PARM1: variants seen among roughly 807,000 people sequenced by gnomAD.
PARM1 encodes the protein prostate androgen-regulated mucin-like protein 1.
A neutral mutation model predicts 24.6 loss-of-function variants in PARM1; 14 were observed. The ratio of observed to expected loss-of-function variants is 0.57; its 90% CI spans 0.38 to 0.89. The LOEUF is 0.89. Among genes scored for constraint, PARM1 ranks in the 40% least tolerant of loss-of-function variants. The pLI is 0.00. For synonymous variants in PARM1, 179 were observed against 156.6 expected (o/e 1.14, Z -1.07); for missense variants, 362 against 380.4 (o/e 0.95, Z 0.40).
chr4:75,035,349 C>T (rs889843296), intron 3 of PARM1, among the ~76,000 whole-genome samples: 2 of 152,182 alleles, frequency 1.3e-5, no homozygotes, highest in East Asian at 3.9e-4. Context: ...TGCTAGGGAC[C>T]AAGACGGTGC....
intron 1 of PARM1, among the ~76,000 whole-genome samples, chr4:74,976,737 G>C (rs980155590): frequency 7.9e-5 from 12 of 152,222 alleles, no homozygotes; most frequent in African/African-American, 2.9e-4. Flanking sequence ...AGGGTTCCAA[G>C]AGGAAGGAGC....
chr4:74,979,156 AC>A (rs1360719541), intron 1 of PARM1, among the ~76,000 whole-genome samples: 2 of 151,834 alleles, frequency 1.3e-5, no homozygotes, highest in Admixed American at 1.3e-4. Flanking sequence ...ACAAAAAAAA[AC>A]CTTCGAAAAA....
chr4:75,025,669 T>G (rs1723169718), intron 2 of PARM1, among the ~76,000 whole-genome samples: 1 of 151,828 alleles, frequency 6.6e-6, no homozygotes, highest in African/African-American at 2.4e-5. Flanking sequence ...GAGAGAGAAA[T>G]GAAGGAAGAG....
chr4:74,936,459 T>TTG, intron 1 of PARM1, among the ~76,000 whole-genome samples: 2 of 149,160 alleles, frequency 1.3e-5, no homozygotes, highest in African/African-American at 4.9e-5. Context: ...GTTTGTTTTT[T>TTG]TGTTTTTTTT....
chr4:74,955,294 A>G (rs1280881889), intron 1 of PARM1, among the ~76,000 whole-genome samples: 1 of 152,068 alleles, frequency 6.6e-6, no homozygotes, highest in Non-Finnish European at 1.5e-5. Flanking sequence ...GATAAGCTTC[A>G]TACCTCCAGT....
intron 3 of PARM1, among the ~76,000 whole-genome samples, chr4:75,043,218 G>T (rs548071758): frequency 6.6e-6 from 1 of 152,138 alleles, no homozygotes; most frequent in South Asian, 2.1e-4. Context: ...AGTTTCAAGA[G>T]TTCCCAGTGG....
chr4:74,935,078 C>G (rs1263558691), intron 1 of PARM1, among the ~76,000 whole-genome samples: 2 of 150,914 alleles, frequency 1.3e-5, no homozygotes, highest in Non-Finnish European at 2.9e-5. Flanking sequence ...CCTTGACCCA[C>G]CGCTAGAGCG....
intron 2 of PARM1, among the ~76,000 whole-genome samples, chr4:75,027,561 C>T (rs1283568409): frequency 6.6e-6 from 1 of 152,176 alleles, no homozygotes; most frequent in Non-Finnish European, 1.5e-5. Context: ...ACCCCACTCC[C>T]ACTACCACCC....
intron 2 of PARM1, among the ~76,000 whole-genome samples, chr4:75,021,209 TGAAATGAAA>T (rs1393304338): frequency 6.6e-6 from 1 of 152,196 alleles, no homozygotes; most frequent in Non-Finnish European, 1.5e-5. Context: ...TCCTGAGCTT[TGAAATGAAA>T]ATGAAGAAAA....
intron 2 of PARM1, 121 bp downstream of exon 2, chr4:75,013,271 A>G: frequency 9.7e-7 from 1 of 1,030,554 alleles, no homozygotes; most frequent in Non-Finnish European, 1.4e-6. Context: ...GTTGAATTAT[A>G]ATTCACAAGA....
At chr4:74,953,232 A>G (rs1721562655) in intron 1 of PARM1, among the ~76,000 whole-genome samples, 1 of 152,242 alleles carries the variant, frequency 6.6e-6, no homozygotes, top group African/African-American at 2.4e-5. Context: ...AAAAACATAT[A>G]ATTTCCTTTA....
chr4:75,029,099 G>A (rs922505945), intron 2 of PARM1, among the ~76,000 whole-genome samples: 6 of 152,192 alleles, frequency 3.9e-5, no homozygotes, highest in Admixed American at 1.3e-4. Context: ...TGTGGCGTGC[G>A]GGCCCATGGG....
intron 3 of PARM1, among the ~76,000 whole-genome samples, chr4:75,036,556 G>T (rs769124293): frequency 6.6e-6 from 1 of 152,164 alleles, no homozygotes; most frequent in Non-Finnish European, 1.5e-5. Context: ...ACTGGAAGGA[G>T]CCCCAGGAAG....
At chr4:74,984,314 AG>A (rs1722311261) in intron 1 of PARM1, among the ~76,000 whole-genome samples, 1 of 152,252 alleles carries the variant, frequency 6.6e-6, no homozygotes, top group Non-Finnish European at 1.5e-5. Flanking sequence ...GACCTGAAGC[AG>A]GGTTTAACAA....
At chr4:75,024,386 T>C (rs72660383) in intron 2 of PARM1, among the ~76,000 whole-genome samples, 14,074 of 152,264 alleles carry the variant, frequency 0.092, 769 homozygotes, top group African/African-American at 0.15. Flanking sequence ...TTGATGTCAC[T>C]GCCCTTGGTC....
intron 1 of PARM1, among the ~76,000 whole-genome samples, chr4:75,009,888 A>G (rs1214590063): frequency 6.6e-6 from 1 of 152,196 alleles, no homozygotes; most frequent in Non-Finnish European, 1.5e-5. Context: ...TAAATATGTA[A>G]TTTCAGGAAA....
chr4:75,026,329 C>T (rs1320051377), intron 2 of PARM1, among the ~76,000 whole-genome samples: 1 of 152,194 alleles, frequency 6.6e-6, no homozygotes, highest in African/African-American at 2.4e-5. Flanking sequence ...AGAATGTATT[C>T]TCATAAAGCC....
intron 1 of PARM1, among the ~76,000 whole-genome samples, chr4:74,991,769 G>A (rs1383800789): frequency 6.6e-6 from 1 of 152,132 alleles, no homozygotes; most frequent in East Asian, 1.9e-4. Context: ...AAGCTGCTGT[G>A]GTCCCCACAT....
Position 74,938,594 on chromosome 4 carries a change from T to C in PARM1, c.43+5224T>C, listed in dbSNP as rs529383733. 1.4e-4 allele frequency among the ~76,000 whole-genome samples: 22 copies of C among 152,328 alleles called. No individual in the cohort carries two copies. The South Asian group carries it at 4.1e-3, about 29-fold the overall frequency. On this transcript the variant is annotated intron_variant, in intron 1 of 3. Transcript: ENST00000307428. ...CTAGAAATACAGAGCTAATAGGTTG[T>C]CATCTAGTTAATCTGCAAGCCGGGC...
Sources: gnomAD v4.1 joint callset for allele counts (sites outside exome capture counted in the v4.1 genomes callset) on GRCh38, gnomAD v4.1.1 for gene constraint, MANE v1.5 for transcripts, NCBI Gene and HGNC (gene_info 2026-07-23, HGNC 2026-07-21) for gene names.